The following MAGI2 variants were observed in gnomAD, a reference collection of about 807,000 sequenced individuals.
MAGI2 encodes membrane associated guanylate kinase, WW and PDZ domain containing 2.
A neutral mutation model predicts 133.3 loss-of-function variants in MAGI2; 35 were observed. The ratio of observed to expected loss-of-function variants is 0.26; its 90% CI spans 0.20 to 0.35. The LOEUF is 0.35. Among genes scored for constraint, MAGI2 ranks in the 10% least tolerant of loss-of-function variants. The pLI is 1.00. For synonymous variants in MAGI2, 729 were observed against 710.6 expected, an observed-to-expected ratio of 1.03 and a Z score of -0.41; for missense variants, 1,636 against 1,863.4, an observed-to-expected ratio of 0.88 and a Z score of 2.25.
intron 1 of MAGI2, among the ~76,000 whole-genome samples, chr7:79,307,074 G>T (rs894538352): frequency 6.6e-6 from 1 of 152,096 alleles, no homozygotes; most frequent in Admixed American, 6.6e-5. Flanking sequence ...CCTTCTGAGG[G>T]TATCTCACAA....
At chr7:79,300,048 A>G (rs933150526) in intron 1 of MAGI2, among the ~76,000 whole-genome samples, 12 of 152,194 alleles carry the variant, frequency 7.9e-5, no homozygotes, top group African/African-American at 2.9e-4. Flanking sequence ...CTCTTTTTAA[A>G]TAAATTACCC....
rs538706090 is a variant in MAGI2 at position 78,707,423 on chromosome 7, A to G, written c.419-80184T>C. 5.8e-4 allele frequency among the ~76,000 whole-genome samples: 88 copies of G among 152,256 alleles called. 2 individuals are homozygous for G. In the South Asian group the frequency reaches 0.017, roughly 30 times the overall value. On this transcript the variant is annotated intron_variant, in intron 2 of 21. Coordinates refer to ENST00000354212, the MANE Select transcript of MAGI2 (RefSeq NM_012301.4). ...CCTAAATATGATTTTTAGTGTAATT[A>G]TAACTTCTGACTCTAAAACATTGCT... is the stretch of plus-strand genomic sequence containing the variant.
intron 2 of MAGI2, among the ~76,000 whole-genome samples, chr7:78,753,060 A>T (rs1379941723): frequency 6.6e-6 from 1 of 152,222 alleles, no homozygotes; most frequent in Non-Finnish European, 1.5e-5. Flanking sequence ...GACACAACAG[A>T]AAGCAAAATA....
chr7:78,951,235 G>T (rs1193859773), intron 2 of MAGI2, among the ~76,000 whole-genome samples: 1 of 152,064 alleles, frequency 6.6e-6, no homozygotes, highest in South Asian at 2.1e-4. Flanking sequence ...GCCTTCCAAA[G>T]TGCTGGGATT....
chr7:79,026,411 A>G (rs1280148684), intron 1 of MAGI2, among the ~76,000 whole-genome samples: 1 of 152,222 alleles, frequency 6.6e-6, no homozygotes, highest in Non-Finnish European at 1.5e-5. Context: ...TGTACTTAAG[A>G]ACAATAACTT....
At chr7:79,412,313 T>C (rs554040863) in intron 1 of MAGI2, 1 of 152,254 alleles carries the variant, frequency 6.6e-6, no homozygotes, top group African/African-American at 2.4e-5. Flanking sequence ...GCAATGTAAA[T>C]ATATAAGTAT....
chr7:79,369,770 T>C (rs1376138844), intron 1 of MAGI2, among the ~76,000 whole-genome samples: 1 of 152,124 alleles, frequency 6.6e-6, no homozygotes, highest in Non-Finnish European at 1.5e-5. Flanking sequence ...TTTGTAAAAT[T>C]TTGAAGAGTA....
intron 2 of MAGI2, among the ~76,000 whole-genome samples, chr7:78,916,816 T>C (rs367941314): frequency 2.0e-5 from 3 of 152,166 alleles, no homozygotes; most frequent in African/African-American, 7.2e-5. Context: ...CCTGAGGGCT[T>C]ATATGCCACA....
intron 2 of MAGI2, among the ~76,000 whole-genome samples, chr7:78,877,310 G>T (rs191077019): frequency 1.3e-5 from 2 of 152,236 alleles, no homozygotes; most frequent in South Asian, 4.1e-4. Flanking sequence ...TCTGGTAACC[G>T]AATGGTTACT....
At chr7:78,996,099 C>T (rs775775289) in intron 2 of MAGI2, among the ~76,000 whole-genome samples, 11 of 152,046 alleles carry the variant, frequency 7.2e-5, no homozygotes, top group Non-Finnish European at 1.5e-4. Context: ...TAGGAATGGC[C>T]CTGGCTGGAG....
chr7:78,733,319 C>T (rs1337256624), intron 2 of MAGI2, among the ~76,000 whole-genome samples: 1 of 152,150 alleles, frequency 6.6e-6, no homozygotes, highest in Non-Finnish European at 1.5e-5. Flanking sequence ...TTTCCCAATA[C>T]TGTCTTGTCC....
chr7:78,338,228 G>C (rs1271033190), intron 9 of MAGI2, among the ~76,000 whole-genome samples: 3 of 152,080 alleles, frequency 2.0e-5, no homozygotes, highest in Admixed American at 6.6e-5. Flanking sequence ...CCACACTGAA[G>C]GTGAAACATT....
intron 6 of MAGI2, among the ~76,000 whole-genome samples, chr7:78,425,686 G>C (rs1799213256): frequency 6.6e-6 from 1 of 152,168 alleles, no homozygotes; most frequent in Non-Finnish European, 1.5e-5. Context: ...TCCTTGCTCA[G>C]TCAGAATGGA....
At chr7:78,730,165 T>G (rs1439945687) in intron 2 of MAGI2, among the ~76,000 whole-genome samples, 2 of 152,176 alleles carry the variant, frequency 1.3e-5, no homozygotes, top group Non-Finnish European at 2.9e-5. Context: ...GACATTTATA[T>G]TTTCCTATTC....
At chr7:78,595,562 A>G (rs1196993448) in intron 3 of MAGI2, among the ~76,000 whole-genome samples, 1 of 152,220 alleles carries the variant, frequency 6.6e-6, no homozygotes, top group Non-Finnish European at 1.5e-5. Flanking sequence ...GAATATAAGA[A>G]TTCGTTTAAT....
intron 2 of MAGI2, among the ~76,000 whole-genome samples, chr7:78,663,444 A>T (rs563002876): frequency 1.3e-5 from 2 of 152,074 alleles, no homozygotes; most frequent in South Asian, 2.1e-4. Flanking sequence ...TGACCTCATG[A>T]TCTGCCCATC....
At chr7:78,533,961 C>T (rs1400041957) in intron 3 of MAGI2, among the ~76,000 whole-genome samples, 1 of 152,110 alleles carries the variant, frequency 6.6e-6, no homozygotes, top group African/African-American at 2.4e-5. Context: ...TATTGCCTGA[C>T]CAAGCCAATG....
intron 2 of MAGI2, among the ~76,000 whole-genome samples, chr7:78,857,738 G>A (rs1027372092): frequency 1.4e-4 from 22 of 152,158 alleles, no homozygotes; most frequent in Admixed American, 1.2e-3. Context: ...TCTCTGCCAG[G>A]CTTTGGTATC....
At chr7:78,946,127 T>G (rs964856209) in intron 2 of MAGI2, among the ~76,000 whole-genome samples, 1 of 152,170 alleles carries the variant, frequency 6.6e-6, no homozygotes, top group African/African-American at 2.4e-5. Context: ...TTTAAATTGT[T>G]GTGAGATTAT....
Sources: gnomAD v4.1 joint callset for allele counts (sites outside exome capture counted in the v4.1 genomes callset) on GRCh38, gnomAD v4.1.1 for gene constraint, MANE v1.5 for transcripts, NCBI Gene and HGNC (gene_info 2026-07-23, HGNC 2026-07-21) for gene names.